Variants in U2SURP observed in about 807,000 individuals in gnomAD.
The protein encoded by U2SURP is U2 snRNP associated SURP domain containing.
A neutral mutation model predicts 144.9 loss-of-function variants in U2SURP; 9 were observed. The ratio of observed to expected loss-of-function variants is 0.06; its 90% CI spans 0.04 to 0.11. The LOEUF is 0.11. Ranked by LOEUF, U2SURP falls within the 10% of genes least tolerant of loss-of-function variation. U2SURP has a pLI of 1.00. For missense variants in U2SURP, 724 were observed against 1,226.7 expected, an observed-to-expected ratio of 0.59 and a Z score of 6.12; for synonymous variants, 408 against 396.8, an observed-to-expected ratio of 1.03 and a Z score of -0.33.
chr3:143,007,615 G>T (rs529772300), intron 1 of U2SURP, among the ~76,000 whole-genome samples: 1 of 152,034 alleles, frequency 6.6e-6, no homozygotes, highest in Admixed American at 6.6e-5. Flanking sequence ...CCAATTTTTT[G>T]TATTTTTAGT....
chr3:143,019,376 G>A (rs1163069322), intron 6 of U2SURP, among the ~76,000 whole-genome samples: 1 of 151,982 alleles, frequency 6.6e-6, no homozygotes, highest in Admixed American at 6.6e-5. Flanking sequence ...TCATTCCTGT[G>A]GTTTTCTCCC....
chr3:143,057,194 A>ACTTAC lies in U2SURP; in HGVS notation c.*745_*749dup, dbSNP rs1164823843. The stretch of plus-strand genomic sequence containing the variant: ...CATCCAACCCATGTTCTGAGCAACT[A>ACTTAC]CTTACTTTTAGGGGGAAATTAAATA... On this transcript the variant is annotated 3_prime_UTR_variant, in exon 28 of 28. Transcript: ENST00000473835. The ACTTAC allele has an allele frequency of 6.6e-6, 1 of 152,428 alleles. No homozygotes were observed. The highest frequency in any genetic ancestry group is 1.5e-5 in the Non-Finnish European group (1 of 67,894). 9.4% of individuals were successfully genotyped at this position (152,428 alleles called of 1,614,324 possible). A position where few individuals can be genotyped will look rare whatever the true frequency, so the allele number is the denominator to read the frequency against.
At chr3:143,032,478 G>A (rs549677087) in intron 16 of U2SURP, among the ~76,000 whole-genome samples, 34 of 152,326 alleles carry the variant, frequency 2.2e-4, no homozygotes, top group African/African-American at 7.5e-4. Context: ...AAGTTCTTCA[G>A]TATCATGGGA....
chr3:143,032,654 C>G (rs1001318317), intron 16 of U2SURP, 130 bp from the exon 17 acceptor site: 1 of 729,508 alleles, frequency 1.4e-6, no homozygotes, highest in African/African-American at 1.8e-5. Flanking sequence ...ACAAATCAGA[C>G]TGAATGTATT....
intron 24 of U2SURP, among the ~76,000 whole-genome samples, chr3:143,044,065 C>T (rs574747893): frequency 6.6e-5 from 10 of 152,098 alleles, no homozygotes; most frequent in African/African-American, 2.4e-4. Flanking sequence ...AAATCCATTT[C>T]ATCTTGAGTG....
chr3:143,060,152 G>C lies in U2SURP; in HGVS notation c.*3702G>C, dbSNP rs1025554241. The C allele has an allele frequency of 7.2e-5, 11 of 152,466 alleles. No homozygotes were observed. Among genetic ancestry groups the C allele is most frequent in the African/African-American group, 2.6e-4 (11 of 41,534 alleles). 9.4% of individuals were successfully genotyped at this position (152,466 alleles called of 1,614,324 possible). On this transcript the variant is annotated 3_prime_UTR_variant, in exon 28 of 28. Coordinates refer to ENST00000473835, the MANE Select transcript of U2SURP (RefSeq NM_001080415.2). ...TATAATTGGTAATTTGTATAGTTTT[G>C]TAGATTGTAGATTAAATGCACTCAT...
At position 143,010,805 on chromosome 3, in the gene U2SURP, A is replaced by T; in HGVS notation, c.46-10A>T. Reference sequence around the variant, plus strand: ...TTTAAATTATTGACTTTTATTTTTGATACTTGTAGACGAGATCATCAGATG... The same window carrying T: ...TTTAAATTATTGACTTTTATTTTTGTTACTTGTAGACGAGATCATCAGATG... On this transcript the variant is annotated splice_polypyrimidine_tract_variant and intron_variant, in intron 1 of 27. Transcript: ENST00000473835. 6.3e-7 allele frequency: 1 copy of T among 1,596,838 alleles called. No homozygotes were observed. Among genetic ancestry groups the T allele is most frequent in the South Asian group, 1.1e-5 (1 of 89,176 alleles).
rs754944256 is a variant in U2SURP at position 143,020,588 on chromosome 3, A to G, written c.639-11A>G. Reference sequence around the variant, plus strand: ...TGGCTCATTATAAGTGATTGTAAATATTTTCAACAGAATTCAAGAGGAACG... The same window carrying G: ...TGGCTCATTATAAGTGATTGTAAATGTTTTCAACAGAATTCAAGAGGAACG... On this transcript the variant is annotated splice_polypyrimidine_tract_variant and intron_variant, in intron 7 of 27. Coordinates refer to ENST00000473835, the MANE Select transcript of U2SURP (RefSeq NM_001080415.2). The G allele has an allele frequency of 8.7e-6, 14 of 1,601,374 alleles. No individual in the cohort carries two copies. The Admixed American group carries it at 1.7e-4, about 20-fold the overall frequency.
chr3:143,030,779 C>T (rs1050144639), intron 16 of U2SURP, among the ~76,000 whole-genome samples: 7 of 152,084 alleles, frequency 4.6e-5, no homozygotes, highest in Admixed American at 3.3e-4. Context: ...GGTGTGGTGG[C>T]TCACACCTGT....
chr3:143,016,999 C>A (rs1936402263), intron 6 of U2SURP, 24 bp downstream of exon 6: 2 of 1,552,572 alleles, frequency 1.3e-6, no homozygotes, highest in Non-Finnish European at 1.7e-6. Flanking sequence ...AAGTAATTGA[C>A]CATTTATGTT....
intron 3 of U2SURP, 81 bp from the exon 4 acceptor site, chr3:143,014,230 A>T: frequency 1.2e-6 from 1 of 864,542 alleles, no homozygotes; most frequent in Non-Finnish European, 1.7e-6. Context: ...TATTCTGAAG[A>T]CTTAGTTATC....
At chr3:143,026,682 G>A (rs1368895746) in intron 13 of U2SURP, 3 of 151,782 alleles carry the variant, frequency 2.0e-5, no homozygotes, top group Non-Finnish European at 2.9e-5. Flanking sequence ...TATAGTCATG[G>A]TTATAACATT....
In U2SURP at chr3:143,006,897, G is replaced by A. The variant is rs550357285; in HGVS notation, c.46-3918G>A. On this transcript the variant is annotated intron_variant, in intron 1 of 27. Transcript: ENST00000473835. ...TCTTAGAGGGTGAGAGGAGAAACGT[G>A]GGAGATTAGGAGACAGATACACGAA... Among the ~76,000 whole-genome samples, 8 of 152,308 alleles carry A rather than the reference G, an allele frequency of 5.3e-5. No homozygotes were observed. In the South Asian group the frequency reaches 1.7e-3, roughly 32 times the overall value.
chr3:143,028,490 C>G lies in U2SURP; in HGVS notation c.1454C>G (p.Ser485Cys), dbSNP rs762878837. ...WKLYSILQGD[S>C]PTKWRTEDFR... ...ACTCTAAATGTTTGTTAGGGAGATTCTCCAACTAAATGGCGGACGGAAGAT... is the reference window on the plus strand; with the variant it reads ...ACTCTAAATGTTTGTTAGGGAGATTGTCCAACTAAATGGCGGACGGAAGAT... The change falls in exon 16 of 28, where the codon TCT (serine) becomes TGT (cysteine). Residue 485 changes from serine to cysteine, a missense_variant. Ser to Cys is a moderately radical substitution (Grantham distance 112). Transcript: ENST00000473835. 5.6e-6 allele frequency: 9 copies of G among 1,594,950 alleles called. No individual in the cohort carries two copies. The highest frequency in any genetic ancestry group is 3.7e-5 in the Admixed American group (2 of 54,680).
At chr3:143,043,772 A>ATTTT (rs559942509) in intron 24 of U2SURP, among the ~76,000 whole-genome samples, 20 of 140,768 alleles carry the variant, frequency 1.4e-4, no homozygotes, top group African/African-American at 5.2e-4. Flanking sequence ...TGAGAAATCC[A>ATTTT]TTTTTTTTTT....
chr3:143,017,247 A>T (rs1013093760), intron 6 of U2SURP: 2 of 272,214 alleles, frequency 7.3e-6, no homozygotes, highest in Non-Finnish European at 1.4e-5. Flanking sequence ...CTATATTGCA[A>T]GTCAAAAATT....
At chr3:143,010,913 CAT>C in intron 2 of U2SURP, 54 bp downstream of exon 2, 5 of 1,297,912 alleles carry the variant, frequency 3.9e-6, no homozygotes, top group African/African-American at 1.5e-5. Context: ...AACTTCTCCT[CAT>C]ATGTATCCCT....
At chr3:143,010,999 C>A (rs1313459048) in intron 2 of U2SURP, 140 bp downstream of exon 2, 2 of 594,320 alleles carry the variant, frequency 3.4e-6, no homozygotes, top group Non-Finnish European at 5.4e-6. Flanking sequence ...TTTCTAGGCG[C>A]CTTCCTTTTT....
intron 24 of U2SURP, among the ~76,000 whole-genome samples, chr3:143,046,600 G>T (rs1482586821): frequency 9.7e-6 from 1 of 103,620 alleles, no homozygotes; most frequent in Non-Finnish European, 1.9e-5. Context: ...AACCCTGAGT[G>T]GACACAGCAC....
Sources: allele counts gnomAD v4.1 joint callset (sites outside exome capture counted in the v4.1 genomes callset), GRCh38; gene constraint gnomAD v4.1.1; transcripts MANE v1.5; gene names NCBI Gene and HGNC (gene_info 2026-07-23, HGNC 2026-07-21).